SH3BGRL: variants seen among roughly 807,000 people sequenced by gnomAD.
The protein encoded by SH3BGRL is SH3 domain binding glutamate rich protein like.
SH3BGRL carries 7 observed loss-of-function variants against 9.8 expected under a neutral mutation model. That is an observed-to-expected ratio of 0.72 (90% confidence interval 0.41 to 1.35). The LOEUF (loss-of-function observed/expected upper bound fraction) is 1.35. Among genes scored for constraint, SH3BGRL ranks in the 40% most tolerant of loss-of-function variants. The pLI is 0.01. For synonymous variants in SH3BGRL, 36 were observed against 29.1 expected (o/e 1.24, Z -0.76); for missense variants, 73 against 84.4 (o/e 0.86, Z 0.53).
intron 1 of SH3BGRL, among the ~76,000 whole-genome samples, chrX:81,273,404 A>G (rs1030013283): frequency 3.6e-5 from 4 of 112,235 alleles, no homozygotes; most frequent in African/African-American, 9.7e-5. Context: ...ATCTCTCCCA[A>G]TAGATTGTAA....
chrX:81,249,650 C>T (rs1336138346), intron 1 of SH3BGRL, among the ~76,000 whole-genome samples: 1 of 112,008 alleles, frequency 8.9e-6, no homozygotes. Context: ...CTCTTGTAGT[C>T]CCCAGAACAC....
At chrX:81,265,316 C>T (rs886486324) in intron 1 of SH3BGRL, among the ~76,000 whole-genome samples, 7 of 107,623 alleles carry the variant, frequency 6.5e-5, no homozygotes, top group Admixed American at 1.0e-4. Context: ...ACCCATCAAC[C>T]GGTCACCTAC....
At chrX:81,276,026 C>T (rs919883291) in intron 1 of SH3BGRL, among the ~76,000 whole-genome samples, 5 of 110,911 alleles carry the variant, frequency 4.5e-5, no homozygotes, top group African/African-American at 1.6e-4. Context: ...GACAACACTC[C>T]ATGTGTCTTT....
rs929292603 is a variant in SH3BGRL, at chrX:81,298,345, A to G, written c.*1118A>G. The G allele has an allele frequency of 9.0e-6, 1 of 111,539 alleles. No individual in the cohort carries two copies. Among genetic ancestry groups the G allele is most frequent in the Non-Finnish European group, 1.9e-5 (1 of 52,842 alleles). 9.2% of individuals were successfully genotyped at this position (111,539 alleles called of 1,213,427 possible). ...AAGAAACATGGCCTAAATAACCAAC[A>G]TAGATTTACATAGTAAGTTTCACAC... is the stretch of plus-strand genomic sequence containing the variant. On this transcript the variant is annotated 3_prime_UTR_variant, in exon 4 of 4. Transcript: ENST00000373212.
intron 1 of SH3BGRL, among the ~76,000 whole-genome samples, chrX:81,241,880 C>G (rs1189479789): frequency 8.9e-6 from 1 of 112,420 alleles, no homozygotes; most frequent in Non-Finnish European, 1.9e-5. Context: ...GGAGCTGGTA[C>G]CTGTGCCAGT....
rs757034708 is a variant in SH3BGRL at position 81,220,286 on chromosome X, T to C, written c.45+18041T>C. Among the ~76,000 whole-genome samples the C allele has an allele frequency of 3.3e-3, 371 of 111,768 alleles. 2 individuals carry two copies. The highest frequency in any genetic ancestry group is 7.3e-3 in the South Asian group (20 of 2,738). ...TTGCTGGAAGACTCTGTTGCAGCTT[T>C]GTTCTCATTACTTGTTTTTTGTCTG... On this transcript the variant is annotated intron_variant, in intron 1 of 3. Transcript: ENST00000373212.
intron 1 of SH3BGRL, among the ~76,000 whole-genome samples, chrX:81,275,829 G>A (rs1373529855): frequency 2.7e-5 from 3 of 111,751 alleles, no homozygotes; most frequent in Non-Finnish European, 1.9e-5. Flanking sequence ...TATGTGATGA[G>A]AGAGAAAATT....
chrX:81,274,828 C>T (rs1484062043), intron 1 of SH3BGRL, among the ~76,000 whole-genome samples: 1 of 110,669 alleles, frequency 9.0e-6, no homozygotes, highest in Non-Finnish European at 1.9e-5. Context: ...TTTAACTTTC[C>T]CTGAAGATTC....
intron 3 of SH3BGRL, among the ~76,000 whole-genome samples, chrX:81,287,020 C>T (rs1295581641): frequency 3.6e-5 from 4 of 111,324 alleles, no homozygotes; most frequent in Non-Finnish European, 5.7e-5. Context: ...AGTGATTTCT[C>T]CCATTAAAAA....
At chrX:81,216,736 C>T (rs1243834679) in intron 1 of SH3BGRL, among the ~76,000 whole-genome samples, 2 of 111,496 alleles carry the variant, frequency 1.8e-5, no homozygotes, top group South Asian at 3.7e-4. Flanking sequence ...AAAATAATGT[C>T]ATCCAGTTAT....
intron 1 of SH3BGRL, among the ~76,000 whole-genome samples, chrX:81,271,852 G>A (rs2147708120): frequency 9.1e-6 from 1 of 110,127 alleles, no homozygotes; most frequent in East Asian, 2.9e-4. Flanking sequence ...CAGACAAGCT[G>A]AAAAAAAAGG....
chrX:81,277,113 C>T lies in SH3BGRL; in HGVS notation c.175C>T (p.Pro59Ser), dbSNP rs1362578868. 2 of 1,208,568 alleles carry T rather than the reference C, an allele frequency of 1.7e-6. No individual in the cohort carries two copies. Among genetic ancestry groups the T allele is most frequent in the Admixed American group, 4.4e-5 (2 of 45,497 alleles). Residue 59 changes from proline to serine, a missense_variant, in exon 2 of 4, where the codon CCA becomes TCA. Pro to Ser is a moderately conservative substitution (Grantham distance 74, BLOSUM62 -1). Coordinates refer to ENST00000373212, the MANE Select transcript of SH3BGRL (RefSeq NM_003022.3). ...MRENVPENSR[P>S]ATGYPLPPQI... ...AGAAAATGTACCTGAAAATAGTCGA[C>T]CAGCCACAGGTTACCCCCTGCCACC...
rs985476033 is a variant in SH3BGRL at position 81,247,783 on chromosome X, C to T, written c.46-29201C>T. ...CTGCAGTTTTCTTTTTTTAGTGTAA[C>T]TTTGCCAGGTTTTAGTATTAGGGTA... On this transcript the variant is annotated intron_variant, in intron 1 of 3. Transcript: ENST00000373212. 6.3e-5 allele frequency among the ~76,000 whole-genome samples: 7 copies of T among 110,274 alleles called. No homozygotes were observed. The East Asian group carries it at 1.7e-3, about 27-fold the overall frequency.
At chrX:81,284,431 G>A (rs1055486861) in intron 3 of SH3BGRL, among the ~76,000 whole-genome samples, 1 of 110,319 alleles carries the variant, frequency 9.1e-6, no homozygotes. Flanking sequence ...CAGGATTTAG[G>A]AATTAATGAG....
intron 2 of SH3BGRL, 73 bp downstream of exon 2, chrX:81,277,242 C>T (rs2075801538): frequency 1.1e-6 from 1 of 883,686 alleles, no homozygotes; most frequent in South Asian, 2.3e-5. Context: ...TCACCTCTGC[C>T]TCCAAGCCTG....
chrX:81,243,012 A>G (rs1398681749), intron 1 of SH3BGRL, among the ~76,000 whole-genome samples: 4 of 112,102 alleles, frequency 3.6e-5, no homozygotes, highest in Non-Finnish European at 7.5e-5. Context: ...GAGATAACAC[A>G]TGATTCAGCA....
intron 1 of SH3BGRL, among the ~76,000 whole-genome samples, chrX:81,252,174 A>G (rs2075712864): frequency 8.9e-6 from 1 of 112,174 alleles, no homozygotes; most frequent in Admixed American, 9.5e-5. Context: ...CAATAAACAA[A>G]GAAACATTCC....
At chrX:81,210,344 C>T (rs1356433520) in intron 1 of SH3BGRL, among the ~76,000 whole-genome samples, 24 of 109,632 alleles carry the variant, frequency 2.2e-4, no homozygotes, top group Admixed American at 2.1e-3. Context: ...TATTGGAGAC[C>T]GTTCTCTTCA....
In SH3BGRL at chrX:81,278,128, A is replaced by G. The variant is rs187427514; in HGVS notation, c.232-203A>G. ...CAGGCATGTGCCCCCACCCCTGGCT[A>G]ATTTTTGTATTTTTAGTAGAGACAG... On this transcript the variant is annotated intron_variant, in intron 2 of 3. Transcript: ENST00000373212. Among the ~76,000 whole-genome samples the G allele has an allele frequency of 9.5e-3, 1,063 of 111,414 alleles. 14 individuals are homozygous for G. The highest frequency in any genetic ancestry group is 0.032 in the African/African-American group (994 of 30,628).
Sources: allele counts gnomAD v4.1 joint callset (sites outside exome capture counted in the v4.1 genomes callset), GRCh38; gene constraint gnomAD v4.1.1; transcripts MANE v1.5; gene names NCBI Gene and HGNC (gene_info 2026-07-23, HGNC 2026-07-21).